MAGI1: variants seen among roughly 807,000 people sequenced by gnomAD.
The protein encoded by MAGI1 is membrane associated guanylate kinase, WW and PDZ domain containing 1.
Under a neutral mutation model 139.9 loss-of-function variants are expected in MAGI1, and 58 were observed. The ratio of observed to expected loss-of-function variants is 0.41; its 90% CI spans 0.34 to 0.52. The LOEUF is 0.52. Ranked by LOEUF, MAGI1 falls within the 20% of genes least tolerant of loss-of-function variation. MAGI1 has a pLI of 0.12. For synonymous variants in MAGI1, 812 were observed against 737.9 expected (o/e 1.10, Z -1.63); for missense variants, 1,874 against 1,901.6 (o/e 0.99, Z 0.27).
chr3:65,656,444 C>T (rs1381183121), intron 1 of MAGI1, among the ~76,000 whole-genome samples: 1 of 152,182 alleles, frequency 6.6e-6, no homozygotes, highest in Non-Finnish European at 1.5e-5. Flanking sequence ...GCCAAACCAT[C>T]ATTAAACACA....
chr3:65,415,368 C>T (rs1373749956), intron 12 of MAGI1, among the ~76,000 whole-genome samples: 1 of 152,232 alleles, frequency 6.6e-6, no homozygotes, highest in Non-Finnish European at 1.5e-5. Context: ...TTCATCAGAA[C>T]AGGGCAGCGC....
At chr3:65,568,467 G>C (rs1203133327) in intron 2 of MAGI1, among the ~76,000 whole-genome samples, 1 of 152,108 alleles carries the variant, frequency 6.6e-6, no homozygotes, top group African/African-American at 2.4e-5. Flanking sequence ...CAGTGAGTCG[G>C]GGAGTCACTG....
intron 12 of MAGI1, among the ~76,000 whole-genome samples, chr3:65,411,107 G>C (rs991302639): frequency 3.9e-5 from 6 of 152,114 alleles, no homozygotes; most frequent in Non-Finnish European, 8.8e-5. Flanking sequence ...TCTACCCTAG[G>C]TAATATTCCT....
chr3:65,802,848 CTGTGTGTG>C (rs55814110), intron 1 of MAGI1, among the ~76,000 whole-genome samples: 1,777 of 138,202 alleles, frequency 0.013, 37 homozygotes, highest in African/African-American at 0.045. Flanking sequence ...ATCATCTCAT[CTGTGTGTG>C]TGTGTGTGTG....
At chr3:65,752,405 G>C (rs2036226777) in intron 1 of MAGI1, among the ~76,000 whole-genome samples, 1 of 152,186 alleles carries the variant, frequency 6.6e-6, no homozygotes, top group Non-Finnish European at 1.5e-5. Context: ...ATAAAATAAT[G>C]CATGGGAAAG....
At chr3:66,024,180 C>A (rs1576498223) in intron 1 of MAGI1, among the ~76,000 whole-genome samples, 1 of 151,752 alleles carries the variant, frequency 6.6e-6, no homozygotes, top group Non-Finnish European at 1.5e-5. Context: ...AAGTGAGAGA[C>A]AAATATATAA....
intron 1 of MAGI1, among the ~76,000 whole-genome samples, chr3:65,764,138 A>T (rs1419757759): frequency 6.6e-6 from 1 of 151,964 alleles, no homozygotes; most frequent in Non-Finnish European, 1.5e-5. Context: ...GGGTATTAAC[A>T]TGGTCTATGG....
intron 1 of MAGI1, among the ~76,000 whole-genome samples, chr3:65,880,957 C>T (rs1187698861): frequency 8.5e-6 from 1 of 117,732 alleles, no homozygotes; most frequent in Non-Finnish European, 1.9e-5. Context: ...CTCCCTCTGT[C>T]ACCCAGGCTG....
At chr3:65,381,236 G>A (rs1247226812) in intron 16 of MAGI1, among the ~76,000 whole-genome samples, 2 of 152,130 alleles carry the variant, frequency 1.3e-5, no homozygotes, top group Non-Finnish European at 2.9e-5. Flanking sequence ...AGAATGGCAA[G>A]GAGGGAATGC....
At chr3:65,366,703 C>A (rs554207758) in intron 18 of MAGI1, among the ~76,000 whole-genome samples, 38 of 152,246 alleles carry the variant, frequency 2.5e-4, no homozygotes, top group Non-Finnish European at 4.9e-4. Flanking sequence ...AGAGAATTAT[C>A]TAAGGAAATT....
At chr3:65,690,690 G>A (rs2088520945) in intron 1 of MAGI1, among the ~76,000 whole-genome samples, 1 of 147,896 alleles carries the variant, frequency 6.8e-6, no homozygotes, top group Non-Finnish European at 1.5e-5. Context: ...ATGTTGCCCA[G>A]GCTGGTTATG....
intron 1 of MAGI1, among the ~76,000 whole-genome samples, chr3:65,749,199 T>C (rs1156688530): frequency 6.6e-6 from 1 of 152,054 alleles, no homozygotes; most frequent in Non-Finnish European, 1.5e-5. Flanking sequence ...ATCATGATAG[T>C]GAAGGTTAAA....
chr3:65,855,633 G>GACGGGGGAGGGT (rs1323680071), intron 1 of MAGI1, among the ~76,000 whole-genome samples: 1 of 74,960 alleles, frequency 1.3e-5, no homozygotes, highest in Non-Finnish European at 3.1e-5. Flanking sequence ...GAGGGGAGGG[G>GACGGGGGAGGGT]AAGGGAGAAA....
intron 5 of MAGI1, among the ~76,000 whole-genome samples, chr3:65,457,429 T>C (rs1386538871): frequency 6.6e-6 from 1 of 152,128 alleles, no homozygotes; most frequent in East Asian, 1.9e-4. Flanking sequence ...TTTGGACAAA[T>C]TTACTATAAA....
chr3:65,523,594 C>T (rs545076438), intron 2 of MAGI1, among the ~76,000 whole-genome samples: 6 of 152,122 alleles, frequency 3.9e-5, no homozygotes, highest in Non-Finnish European at 7.3e-5. Flanking sequence ...GCATCCTGTT[C>T]CATGGAGTGT....
At chr3:65,669,624 C>T (rs752310358) in intron 1 of MAGI1, among the ~76,000 whole-genome samples, 15 of 152,140 alleles carry the variant, frequency 9.9e-5, no homozygotes, top group South Asian at 2.1e-4. Flanking sequence ...GTTTTGTCTT[C>T]GGGATTCTAC....
chr3:65,728,043 G>A (rs2033802305), intron 1 of MAGI1, among the ~76,000 whole-genome samples: 1 of 152,094 alleles, frequency 6.6e-6, no homozygotes, highest in African/African-American at 2.4e-5. Context: ...CCTAATACAG[G>A]TGCAGGCAAC....
At chr3:65,366,609 T>C (rs1290294326) in intron 18 of MAGI1, among the ~76,000 whole-genome samples, 6 of 152,318 alleles carry the variant, frequency 3.9e-5, no homozygotes, top group South Asian at 2.1e-4. Flanking sequence ...TTGCATTCTA[T>C]GCTCTTCAAT....
intron 1 of MAGI1, among the ~76,000 whole-genome samples, chr3:65,867,414 T>A (rs1269733325): frequency 6.6e-6 from 1 of 152,216 alleles, no homozygotes. Flanking sequence ...TCTGGCATCA[T>A]CAACCCAGTT....
Sources: allele counts gnomAD v4.1 joint callset (sites outside exome capture counted in the v4.1 genomes callset), GRCh38; gene constraint gnomAD v4.1.1; transcripts MANE v1.5; gene names NCBI Gene and HGNC (gene_info 2026-07-23, HGNC 2026-07-21).